Variants in TRAIP observed in about 807,000 individuals in gnomAD.
The protein encoded by TRAIP is TRAF interacting protein.
A neutral mutation model predicts 65.0 loss-of-function variants in TRAIP; 37 were observed. The observed-to-expected ratio is 0.57, with a 90% CI of 0.44 to 0.75. The LOEUF (loss-of-function observed/expected upper bound fraction) is 0.75. Among genes scored for constraint, TRAIP ranks in the 30% least tolerant of loss-of-function variants. The pLI, the probability that TRAIP is intolerant of heterozygous loss-of-function variation, is 0.00. For missense variants in TRAIP, 481 were observed against 579.4 expected, an observed-to-expected ratio of 0.83 and a Z score of 1.74; for synonymous variants, 187 against 219.1, an observed-to-expected ratio of 0.85 and a Z score of 1.29.
chr3:49,844,051 A>G, intron 4 of TRAIP, 123 bp from the exon 5 acceptor site: 3 of 1,360,752 alleles, frequency 2.2e-6, no homozygotes, highest in Non-Finnish European at 2.0e-6. Context: ...TCAGGCCTGA[A>G]AGCTGGGTGG....
intron 7 of TRAIP, 65 bp from the exon 8 acceptor site, chr3:49,841,137 A>G: frequency 7.3e-7 from 1 of 1,368,744 alleles, no homozygotes; most frequent in Non-Finnish European, 1.0e-6. Flanking sequence ...GAGCCACAGC[A>G]CTAATCTAAC....
At chr3:49,836,282 G>A (rs1369801805) in intron 10 of TRAIP, among the ~76,000 whole-genome samples, 2 of 152,098 alleles carry the variant, frequency 1.3e-5, no homozygotes, top group Non-Finnish European at 2.9e-5. Flanking sequence ...CTTGAGATCA[G>A]GAATTAAAGA....
At chr3:49,842,086 G>T (rs540332454) in intron 6 of TRAIP, 147 bp from the exon 7 acceptor site, 1 of 675,476 alleles carries the variant, frequency 1.5e-6, no homozygotes, top group Non-Finnish European at 2.7e-6. Context: ...CCCAAGGAAA[G>T]GCCCTGTGGC....
At chr3:49,839,061 C>T (rs1167992168) in intron 10 of TRAIP, among the ~76,000 whole-genome samples, 2 of 137,626 alleles carry the variant, frequency 1.5e-5, no homozygotes, top group African/African-American at 5.5e-5. Context: ...TGGTGGTGCG[C>T]GCCTGTAATC....
At position 49,829,115 on chromosome 3, in the gene TRAIP, G is replaced by A; in HGVS notation, c.1398C>T (p.Phe466=). The part of the protein sequence containing the change: ...PSLFQAKLDT[F]LWS ...AGACTCACTGTTCTCACGACCACAG[G>A]AAGGTGTCCAGCTTGGCCTGGAAGA... The change falls in exon 15 of 15, where the codon TTC becomes TTT. Residue 466 remains phenylalanine, a synonymous_variant. Transcript: ENST00000331456. 1.2e-6 allele frequency: 2 copies of A among 1,614,224 alleles called. No individual in the cohort carries two copies. The highest frequency in any genetic ancestry group is 1.7e-6 in the Non-Finnish European group (2 of 1,180,034).
At chr3:49,847,137 G>A (rs1009978999) in intron 3 of TRAIP, among the ~76,000 whole-genome samples, 15 of 151,394 alleles carry the variant, frequency 9.9e-5, no homozygotes, top group African/African-American at 3.6e-4. Flanking sequence ...CCAAGATCAC[G>A]CCACTACACT....
intron 10 of TRAIP, among the ~76,000 whole-genome samples, chr3:49,832,700 C>CGGG (rs77955232): frequency 0.014 from 86 of 6,060 alleles, no homozygotes; most frequent in Admixed American, 0.023. Context: ...TTTTATAACA[C>CGGG]GGGGGGGGGG....
chr3:49,845,176 T>C (rs943942808), intron 3 of TRAIP, among the ~76,000 whole-genome samples: 3 of 152,236 alleles, frequency 2.0e-5, no homozygotes, highest in Admixed American at 6.5e-5. Flanking sequence ...AACTAGACTA[T>C]TGTGAGGATC....
In TRAIP at chr3:49,831,963, G is replaced by A; in HGVS notation, c.990C>T (p.Ser330=). The change falls in exon 11 of 15, where the codon TCC becomes TCT. Residue 330 remains serine (S), a synonymous_variant. Transcript: ENST00000331456. ...TTTCGTAGTAACCATGCTGGGAGCT[G>A]GAGGGCCGGGCTGGGGGAGTATCCA... is the stretch of plus-strand genomic sequence containing the variant. The part of the protein sequence containing the change: ...FDVDTPPARP[S]SSQHGYYEKL... 2 of 1,602,922 alleles carry A rather than the reference G, an allele frequency of 1.2e-6. No homozygotes were observed. The highest frequency in any genetic ancestry group is 1.7e-6 in the Non-Finnish European group (2 of 1,174,740).
rs770809856 is a variant in TRAIP at position 49,847,625 on chromosome 3, G to C, written c.157-17C>G. ...TTTGCCAACCTGGATGGGAGAACAA[G>C]GTAAGAGTATGATTGTGTAGCTGGG... On this transcript the variant is annotated splice_polypyrimidine_tract_variant and intron_variant, in intron 2 of 14. Coordinates refer to ENST00000331456, the MANE Select transcript of TRAIP (RefSeq NM_005879.3). The C allele has an allele frequency of 8.2e-6, 13 of 1,587,870 alleles. No individual in the cohort carries two copies. The South Asian group carries it at 1.5e-4, about 18-fold the overall frequency.
At position 49,832,068 on chromosome 3, in the gene TRAIP, G is replaced by A. The variant is rs758013610; in HGVS notation, c.885C>T (p.Ser295=). The change falls in exon 11 of 15, where the codon AGC becomes AGT. Residue 295 remains serine, a splice_region_variant and synonymous_variant. Transcript: ENST00000331456. ...TCAGATTCACCTCCACAGGGGCTGG[G>A]CTGAAGGCAGAGATGACCTGGTTAC... The part of the protein sequence containing the change: ...SETVDRLVLE[S]PAPVEVNLKL... The A allele has an allele frequency of 6.3e-7, 1 of 1,582,618 alleles. No homozygotes were observed.
intron 14 of TRAIP, 32 bp from the exon 15 acceptor site, chr3:49,829,257 A>G: frequency 1.2e-6 from 2 of 1,614,000 alleles, no homozygotes; most frequent in Non-Finnish European, 1.7e-6. Flanking sequence ...AGGCATGGAG[A>G]AAGGACTGCA....
Position 49,831,898 on chromosome 3 carries a change from C to G in TRAIP, c.1037+18G>C, listed in dbSNP as rs2081735868. ...TCCCCCTACCAGCCCATGGACAGTGCCAGCGACTATCACTCACTGTGACTT... is the reference window on the plus strand; with the variant it reads ...TCCCCCTACCAGCCCATGGACAGTGGCAGCGACTATCACTCACTGTGACTT... On this transcript the variant is annotated intron_variant, in intron 11 of 14. Transcript: ENST00000331456. 6.5e-7 allele frequency: 1 copy of G among 1,541,176 alleles called. No homozygotes were observed. Among genetic ancestry groups the G allele is most frequent in the Admixed American group, 1.9e-5 (1 of 53,572 alleles).
At chr3:49,837,875 C>T (rs948566465) in intron 10 of TRAIP, among the ~76,000 whole-genome samples, 4 of 150,990 alleles carry the variant, frequency 2.6e-5, no homozygotes, top group Non-Finnish European at 5.9e-5. Context: ...AGCCACCACG[C>T]CCGGACTTTT....
chr3:49,835,062 A>G (rs2081769106), intron 10 of TRAIP, among the ~76,000 whole-genome samples: 1 of 152,012 alleles, frequency 6.6e-6, no homozygotes, highest in African/African-American at 2.4e-5. Context: ...AAATAAATTA[A>G]CTGGGCATTG....
chr3:49,850,650 A>ATTTTTTT (rs869237477), intron 1 of TRAIP, among the ~76,000 whole-genome samples: 3 of 90,684 alleles, frequency 3.3e-5, no homozygotes, highest in Admixed American at 1.3e-4. Context: ...AATAGTCTGC[A>ATTTTTTT]TTTTTTTTTT....
intron 3 of TRAIP, among the ~76,000 whole-genome samples, chr3:49,845,320 C>G: frequency 6.6e-6 from 1 of 152,216 alleles, no homozygotes; most frequent in Non-Finnish European, 1.5e-5. Context: ...AAGAGAGGTG[C>G]CTGCTCCATA....
Position 49,828,840 on chromosome 3 carries a change from T to G in TRAIP, c.*263A>C, listed in dbSNP as rs759922639. 1 of 462,442 alleles carries G rather than the reference T, an allele frequency of 2.2e-6. No homozygotes were observed. The highest frequency in any genetic ancestry group is 4.0e-6 in the Non-Finnish European group (1 of 248,632). 28.6% of individuals were successfully genotyped at this position (462,442 alleles called of 1,614,324 possible). A position where few individuals can be genotyped will look rare whatever the true frequency, so the allele number is the denominator to read the frequency against. On this transcript the variant is annotated 3_prime_UTR_variant, in exon 15 of 15. Transcript: ENST00000331456. ...GAGTCTGACCACATCTGATCATGGCTATAAACAGGAGCCTGGCAACAGGAG... is the reference window on the plus strand; with the variant it reads ...GAGTCTGACCACATCTGATCATGGCGATAAACAGGAGCCTGGCAACAGGAG...
At chr3:49,832,712 G>C (rs1185115691) in intron 10 of TRAIP, among the ~76,000 whole-genome samples, 1 of 128,504 alleles carries the variant, frequency 7.8e-6, no homozygotes, top group Non-Finnish European at 1.7e-5. Context: ...GGGGGGGGGG[G>C]GGGGTGGGGG....
Sources: allele counts gnomAD v4.1 joint callset (sites outside exome capture counted in the v4.1 genomes callset), GRCh38; gene constraint gnomAD v4.1.1; transcripts MANE v1.5; gene names NCBI Gene and HGNC (gene_info 2026-07-23, HGNC 2026-07-21).